RECK: variants seen among roughly 807,000 people sequenced by gnomAD.
RECK encodes the protein reversion inducing cysteine rich protein with kazal motifs.
Under a neutral mutation model 115.1 loss-of-function variants are expected in RECK, and 69 were observed. The ratio of observed to expected loss-of-function variants is 0.60; its 90% CI spans 0.49 to 0.73. The LOEUF is 0.73. RECK is among the 30% of genes least tolerant of loss of function. The probability of loss-of-function intolerance (pLI) is 0.00; values close to 1 mark genes in which losing one functional copy is unlikely to be tolerated. For missense variants in RECK, 1,047 were observed against 1,203.7 expected (o/e 0.87, Z 1.93); for synonymous variants, 414 against 419.7 (o/e 0.99, Z 0.17).
At chr9:36,119,039 C>T in intron 18 of RECK, 72 bp downstream of exon 18, 1 of 1,402,396 alleles carries the variant, frequency 7.1e-7, no homozygotes, top group Non-Finnish European at 1.0e-6. Context: ...GAGAGTGAGT[C>T]ATTGAGAAGA....
chr9:36,118,667 C>T lies in RECK; in HGVS notation c.2254-90C>T. On this transcript the variant is annotated intron_variant, in intron 17 of 20. Transcript: ENST00000377966. ...ATTTATACCTGTGTCTTTTTTCCTT[C>T]CTGAAAATAGGGAGGCATGCTGTGT... The T allele has an allele frequency of 4.0e-6, 5 of 1,237,428 alleles. No homozygotes were observed. In the Admixed American group the frequency reaches 6.7e-5, roughly 16 times the overall value. 76.7% of individuals were successfully genotyped at this position (1,237,428 alleles called of 1,614,324 possible).
At chr9:36,067,631 T>G (rs1822061021) in intron 6 of RECK, among the ~76,000 whole-genome samples, 1 of 152,190 alleles carries the variant, frequency 6.6e-6, no homozygotes. Context: ...TTTTTTCTTA[T>G]GCAAATTAAC....
At chr9:36,046,896 A>G (rs753835086) in intron 1 of RECK, among the ~76,000 whole-genome samples, 2 of 152,220 alleles carry the variant, frequency 1.3e-5, no homozygotes, top group Non-Finnish European at 2.9e-5. Context: ...AAAGGCTTTT[A>G]TAGTTATATT....
intron 6 of RECK, among the ~76,000 whole-genome samples, chr9:36,070,912 G>A (rs1311728344): frequency 6.6e-6 from 1 of 152,172 alleles, no homozygotes; most frequent in Admixed American, 6.5e-5. Flanking sequence ...TCATGGACTT[G>A]CTCAGTTCTA....
chr9:36,061,502 C>T (rs1240465125), intron 4 of RECK, among the ~76,000 whole-genome samples: 1 of 151,552 alleles, frequency 6.6e-6, no homozygotes, highest in Non-Finnish European at 1.5e-5. Context: ...TCCATAATTT[C>T]ATAGCCCACA....
intron 15 of RECK, 82 bp from the exon 16 acceptor site, chr9:36,112,223 C>T: frequency 3.1e-6 from 4 of 1,309,396 alleles, no homozygotes; most frequent in Middle Eastern, 2.7e-4. Flanking sequence ...CACATGATTG[C>T]TCATGGTTTG....
intron 1 of RECK, among the ~76,000 whole-genome samples, chr9:36,041,771 C>CTT (rs35445082): frequency 0.034 from 4,344 of 127,630 alleles, 194 homozygotes; most frequent in African/African-American, 0.075. Context: ...AATCAGCTTC[C>CTT]TTTTTTTTTT....
Position 36,123,282 on chromosome 9 carries a change from A to G in RECK, c.*237A>G. The G allele has an allele frequency of 2.2e-6, 1 of 454,690 alleles. No homozygotes were observed. The highest frequency in any genetic ancestry group is 3.9e-6 in the Non-Finnish European group (1 of 256,836). The allele number at this position is 454,690 out of a possible 1,614,324, so 28.2% of individuals were successfully genotyped here. A position where few individuals can be genotyped will look rare whatever the true frequency, so the allele number is the denominator to read the frequency against. ...TGAAAACAGAATGTCTCTTCCTGGT[A>G]GACCACTGCCATATGATTTACATTT... is the stretch of plus-strand genomic sequence containing the variant. On this transcript the variant is annotated 3_prime_UTR_variant, in exon 21 of 21. Transcript: ENST00000377966.
intron 1 of RECK, among the ~76,000 whole-genome samples, chr9:36,040,107 CTTA>C (rs1395766145): frequency 1.3e-5 from 2 of 152,190 alleles, no homozygotes; most frequent in Non-Finnish European, 2.9e-5. Context: ...TATATGAGTA[CTTA>C]TTATACGTCA....
intron 2 of RECK, among the ~76,000 whole-genome samples, chr9:36,053,155 A>G (rs1415018653): frequency 3.9e-5 from 6 of 152,234 alleles, no homozygotes; most frequent in Non-Finnish European, 4.4e-5. Flanking sequence ...GATGAAGACC[A>G]TGTAGGTATT....
chr9:36,105,012 G>T, intron 12 of RECK, 131 bp from the exon 13 acceptor site: 1 of 620,594 alleles, frequency 1.6e-6, no homozygotes, highest in Non-Finnish European at 2.8e-6. Context: ...TGTTTTAATA[G>T]CTTGGTAGAA....
intron 1 of RECK, among the ~76,000 whole-genome samples, chr9:36,045,153 T>C (rs956269124): frequency 6.6e-6 from 1 of 152,004 alleles, no homozygotes; most frequent in African/African-American, 2.4e-5. Flanking sequence ...CAGTGTTGAA[T>C]TGAGGTGGTG....
intron 1 of RECK, among the ~76,000 whole-genome samples, chr9:36,039,932 C>G (rs915198127): frequency 6.6e-6 from 1 of 152,180 alleles, no homozygotes; most frequent in Non-Finnish European, 1.5e-5. Flanking sequence ...AAGTTTCTGT[C>G]TGGCATCCAT....
At chr9:36,052,180 T>C in intron 1 of RECK, 85 bp from the exon 2 acceptor site, 1 of 801,374 alleles carries the variant, frequency 1.2e-6, no homozygotes, top group Non-Finnish European at 2.2e-6. Flanking sequence ...ATCTACTGAA[T>C]AAATGGTTTG....
Position 36,104,299 on chromosome 9 carries a change from T to C in RECK, c.1436-844T>C, listed in dbSNP as rs1320397151. Among the ~76,000 whole-genome samples, 112 of 57,972 alleles carry C rather than the reference T, an allele frequency of 1.9e-3. 4 individuals are homozygous for C. The highest frequency in any genetic ancestry group is 0.01 in the African/African-American group (101 of 9,860). The allele number at this position is 57,972 out of a possible 152,430, so 38.0% of individuals were successfully genotyped here. ...GCATGTGTGTGTGTGTGTGTATATA[T>C]ATATATATATATATATATATATATA... On this transcript the variant is annotated intron_variant, in intron 12 of 20. Coordinates refer to ENST00000377966, the MANE Select transcript of RECK (RefSeq NM_021111.3).
At position 36,083,504 on chromosome 9, in the gene RECK, A is replaced by G. The variant is rs773001582; in HGVS notation, c.579A>G (p.Gln193=). The G allele has an allele frequency of 1.9e-6, 3 of 1,614,042 alleles. No individual in the cohort carries two copies. Among genetic ancestry groups the G allele is most frequent in the South Asian group, 1.1e-5 (1 of 91,078 alleles). Residue 193 remains glutamine, a synonymous_variant, in exon 8 of 21, where the codon CAA becomes CAG. Coordinates refer to ENST00000377966, the MANE Select transcript of RECK (RefSeq NM_021111.3). The part of the protein sequence containing the change: ...VENYCASISP[Q]LIHCVNNYTQ... ...ATTATTGCGCCTCTATTAGTCCACA[A>G]TTAATACATTGTGTGAACAATTATA...
chr9:36,080,906 A>G (rs901231934), intron 7 of RECK, among the ~76,000 whole-genome samples: 5 of 152,234 alleles, frequency 3.3e-5, no homozygotes, highest in African/African-American at 1.2e-4. Flanking sequence ...GCCGAGTGCT[A>G]CGTCTCAGTT....
chr9:36,048,956 T>G (rs1317917324), intron 1 of RECK, among the ~76,000 whole-genome samples: 1 of 152,190 alleles, frequency 6.6e-6, no homozygotes, highest in Admixed American at 6.5e-5. Context: ...ACCAACTGGC[T>G]ATAAATCCAC....
At chr9:36,122,257 T>C (rs1299281642) in intron 20 of RECK, among the ~76,000 whole-genome samples, 3 of 152,248 alleles carry the variant, frequency 2.0e-5, no homozygotes, top group Non-Finnish European at 4.4e-5. Flanking sequence ...GCAAGCAGTC[T>C]GTGAATCACT....
Sources: gnomAD v4.1 joint callset for allele counts (sites outside exome capture counted in the v4.1 genomes callset) on GRCh38, gnomAD v4.1.1 for gene constraint, MANE v1.5 for transcripts, NCBI Gene and HGNC (gene_info 2026-07-23, HGNC 2026-07-21) for gene names.